The following FBXL5 variants were observed in gnomAD, a reference collection of about 807,000 sequenced individuals.
FBXL5 encodes the protein F-box and leucine rich repeat protein 5.
Under a neutral mutation model 78.3 loss-of-function variants are expected in FBXL5, and 26 were observed. The ratio of observed to expected loss-of-function variants is 0.33; its 90% confidence interval spans 0.24 to 0.46. FBXL5 has a LOEUF of 0.46. Ranked by LOEUF, FBXL5 falls within the 20% of genes least tolerant of loss-of-function variation. The probability of loss-of-function intolerance (pLI) is 1.00; values close to 1 mark genes in which losing one functional copy is unlikely to be tolerated. For synonymous variants in FBXL5, 295 were observed against 282.5 expected (o/e 1.04, Z -0.45); for missense variants, 710 against 829.2 (o/e 0.86, Z 1.77).
chr4:15,654,955 G>A (rs1224126302), intron 1 of FBXL5, among the ~76,000 whole-genome samples: 2 of 151,854 alleles, frequency 1.3e-5, no homozygotes, highest in Non-Finnish European at 2.9e-5. Flanking sequence ...TCAGCCGCCA[G>A]GCCCTCGGCA....
intron 1 of FBXL5, among the ~76,000 whole-genome samples, chr4:15,649,014 G>A (rs750569645): frequency 6.6e-6 from 1 of 151,814 alleles, no homozygotes; most frequent in African/African-American, 2.4e-5. Flanking sequence ...CCTCAATAAA[G>A]CTGGGAAAAA....
intron 9 of FBXL5, among the ~76,000 whole-genome samples, chr4:15,623,826 GTT>G (rs548846356): frequency 6.8e-6 from 1 of 147,142 alleles, no homozygotes; most frequent in Admixed American, 6.8e-5. Context: ...TTTTACAATA[GTT>G]TTTTTTTTTT....
At chr4:15,669,232 T>C (rs1717665251) in intron 1 of FBXL5, among the ~76,000 whole-genome samples, 1 of 152,202 alleles carries the variant, frequency 6.6e-6, no homozygotes, top group South Asian at 2.1e-4. Context: ...TGGCTATATA[T>C]ACAGCCTCTT....
At chr4:15,634,903 C>T (rs1714087922) in intron 5 of FBXL5, among the ~76,000 whole-genome samples, 1 of 151,912 alleles carries the variant, frequency 6.6e-6, no homozygotes, top group East Asian at 1.9e-4. Context: ...TCCATGTTTG[C>T]CTTTTTACTA....
At chr4:15,627,576 A>C (rs1577445231) in intron 7 of FBXL5, among the ~76,000 whole-genome samples, 1 of 152,204 alleles carries the variant, frequency 6.6e-6, no homozygotes, top group African/African-American at 2.4e-5. Context: ...CATGCCTTAC[A>C]TATTATTTAA....
rs183945431 is a variant in FBXL5, at chr4:15,668,404, G to A, written c.-283-8482C>T. On this transcript the variant is annotated intron_variant, in intron 1 of 4. Transcript: ENST00000507899. ...GATGTAAAATAAGTGACAAAACAGA[G>A]AAAAGTGTTGAGTTTTTAAACAGCA... is the stretch of plus-strand genomic sequence containing the variant. Among the ~76,000 whole-genome samples, 2 of 152,098 alleles carry A rather than the reference G, an allele frequency of 1.3e-5. 1 individual carries two copies. Among genetic ancestry groups the A allele is most frequent in the East Asian group, 3.9e-4 (2 of 5,180 alleles).
chr4:15,672,986 C>T (rs538506180), intron 1 of FBXL5, among the ~76,000 whole-genome samples: 3 of 152,158 alleles, frequency 2.0e-5, no homozygotes, highest in Non-Finnish European at 4.4e-5. Context: ...CTGTCTTCCA[C>T]TTCCAGATTT....
In FBXL5 at chr4:15,627,876, T is replaced by A; in HGVS notation, c.1041+9A>T. On this transcript the variant is annotated intron_variant, in intron 7 of 10. Coordinates refer to ENST00000341285, the MANE Select transcript of FBXL5 (RefSeq NM_012161.4). ...CTTAATACCCAAACTAGTGTTAATT[T>A]AAACATACCATTTTGCTGGAAACTG... The A allele has an allele frequency of 6.3e-7, 1 of 1,594,622 alleles. No individual in the cohort carries two copies.
intron 9 of FBXL5, among the ~76,000 whole-genome samples, chr4:15,622,415 C>A (rs1431101262): frequency 1.3e-5 from 2 of 152,164 alleles, no homozygotes; most frequent in African/African-American, 4.8e-5. Flanking sequence ...TTTTTATTTT[C>A]TATTTCCTCA....
chr4:15,607,306 T>C (rs1721956295), intron 10 of FBXL5, among the ~76,000 whole-genome samples: 1 of 152,186 alleles, frequency 6.6e-6, no homozygotes. Flanking sequence ...TTTAAAATTA[T>C]TTTAAATATA....
At chr4:15,629,516 G>A (rs1483063774) in intron 6 of FBXL5, among the ~76,000 whole-genome samples, 1 of 151,926 alleles carries the variant, frequency 6.6e-6, no homozygotes, top group African/African-American at 2.4e-5. Flanking sequence ...CATCTAATAT[G>A]GAATATATTT....
intron 10 of FBXL5, 45 bp from the exon 11 acceptor site, chr4:15,605,844 T>C: frequency 1.4e-6 from 2 of 1,473,300 alleles, no homozygotes; most frequent in Non-Finnish European, 1.9e-6. Flanking sequence ...TTCTTAGAGA[T>C]CACATAAAAA....
chr4:15,669,112 A>AT (rs1717660976), intron 1 of FBXL5, among the ~76,000 whole-genome samples: 1 of 152,204 alleles, frequency 6.6e-6, no homozygotes, highest in Non-Finnish European at 1.5e-5. Flanking sequence ...ATAGTTGAGT[A>AT]TTTGTTACTT....
upstream of FBXL5, chr4:15,655,358 A>G (rs1716771035): frequency 1.7e-6 from 2 of 1,187,892 alleles, no homozygotes; most frequent in Non-Finnish European, 1.1e-6. Context: ...GCCGCGGGGC[A>G]GAGGCGGCGC....
intron 1 of FBXL5, among the ~76,000 whole-genome samples, chr4:15,669,532 CA>C (rs887746865): frequency 8.1e-5 from 12 of 149,036 alleles, no homozygotes; most frequent in African/African-American, 2.0e-4. Context: ...GACCTTGTCT[CA>C]AAAAAAAATG....
At chr4:15,610,018 T>G (rs1722143253) in intron 10 of FBXL5, among the ~76,000 whole-genome samples, 1 of 152,110 alleles carries the variant, frequency 6.6e-6, no homozygotes, top group South Asian at 2.1e-4. Context: ...TAAACGTCAC[T>G]TTCAAATATT....
intron 9 of FBXL5, among the ~76,000 whole-genome samples, chr4:15,615,397 G>A (rs1711712259): frequency 6.6e-6 from 1 of 150,584 alleles, no homozygotes; most frequent in African/African-American, 2.4e-5. Context: ...TGGGGACGTG[G>A]AGAGTCTTTA....
chr4:15,649,434 T>C (rs1015135495), intron 1 of FBXL5, among the ~76,000 whole-genome samples: 26 of 151,730 alleles, frequency 1.7e-4, no homozygotes, highest in African/African-American at 6.1e-4. Flanking sequence ...CAAAAATTAG[T>C]TGGGCGTGGT....
At chr4:15,606,419 C>A (rs1721891291) in intron 10 of FBXL5, among the ~76,000 whole-genome samples, 1 of 151,696 alleles carries the variant, frequency 6.6e-6, no homozygotes, top group East Asian at 1.9e-4. Context: ...CATTCACTTA[C>A]AAAGAATAAA....
Sources: allele counts gnomAD v4.1 joint callset (sites outside exome capture counted in the v4.1 genomes callset), GRCh38; gene constraint gnomAD v4.1.1; transcripts MANE v1.5; gene names NCBI Gene and HGNC (gene_info 2026-07-23, HGNC 2026-07-21).